NELFB: variants seen among roughly 807,000 people sequenced by gnomAD.
The protein encoded by NELFB is negative elongation factor complex member B, also known as negative elongation factor B.
NELFB carries 34 observed loss-of-function variants against 60.2 expected under a neutral mutation model. The ratio of observed to expected loss-of-function variants is 0.56; its 90% confidence interval spans 0.43 to 0.75. The LOEUF (loss-of-function observed/expected upper bound fraction) is 0.75. Ranked by LOEUF, NELFB falls within the 30% of genes least tolerant of loss-of-function variation. NELFB has a pLI of 0.00. For missense variants in NELFB, 770 were observed against 831.6 expected, an observed-to-expected ratio of 0.93 and a Z score of 0.91; for synonymous variants, 459 against 382.1, an observed-to-expected ratio of 1.20 and a Z score of -2.35.
At chr9:137,268,308 G>A (rs1830544132) in intron 10 of NELFB, among the ~76,000 whole-genome samples, 3 of 152,284 alleles carry the variant, frequency 2.0e-5, no homozygotes, top group Middle Eastern at 3.4e-3. Context: ...AGGGACGGCC[G>A]GGCACGGTGG....
rs765769006 is a variant in NELFB at position 137,267,318 on chromosome 9, C to T, written c.1461C>T (p.Asn487=). Residue 487 remains asparagine, a synonymous_variant, in exon 10 of 13, where the codon AAC becomes AAT. Coordinates refer to ENST00000343053, the MANE Select transcript of NELFB (RefSeq NM_015456.5). ...ACATCACCAAGCAGAGGAACAAGAA[C>T]GCGCTCCTCCGCCTGCTGCCCGGGC... 6.0e-5 allele frequency: 97 copies of T among 1,612,536 alleles called. No homozygotes were observed. The highest frequency in any genetic ancestry group is 1.6e-4 in the Middle Eastern group (1 of 6,072).
chr9:137,261,911 T>C (rs1830451470), intron 4 of NELFB, among the ~76,000 whole-genome samples: 1 of 151,680 alleles, frequency 6.6e-6, no homozygotes, highest in African/African-American at 2.4e-5. Context: ...CCATCTCCAA[T>C]GATAGGTAAG....
At chr9:137,270,473 C>CT (rs1830570830) in intron 10 of NELFB, among the ~76,000 whole-genome samples, 1 of 151,316 alleles carries the variant, frequency 6.6e-6, no homozygotes, top group Admixed American at 6.6e-5. Flanking sequence ...GCCTGTAGTC[C>CT]CAGCTACTCG....
In NELFB at chr9:137,264,241, G is replaced by A; in HGVS notation, c.928-4G>A. ...CTGGTCCCGACCGTGCTTCCTCCTT[G>A]CAGTTCACCTGGTGCCTGGACGCCT... is the stretch of plus-strand genomic sequence containing the variant. On this transcript the variant is annotated splice_region_variant and splice_polypyrimidine_tract_variant and intron_variant, in intron 5 of 12. Coordinates refer to ENST00000343053, the MANE Select transcript of NELFB (RefSeq NM_015456.5). 1 of 1,579,386 alleles carries A rather than the reference G, an allele frequency of 6.3e-7. No homozygotes were observed. The highest frequency in any genetic ancestry group is 8.6e-7 in the Non-Finnish European group (1 of 1,163,444).
Position 137,273,036 on chromosome 9 carries a change from C to T in NELFB, c.*108C>T. On this transcript the variant is annotated 3_prime_UTR_variant, in exon 13 of 13. Transcript: ENST00000343053. ...TACAGGGCAGTCTCTCTTCCCGGGGCTATGGCTGGGCCTGTCCTGCCGTCA... is the reference window on the plus strand; with the variant it reads ...TACAGGGCAGTCTCTCTTCCCGGGGTTATGGCTGGGCCTGTCCTGCCGTCA... 1 of 1,270,802 alleles carries T rather than the reference C, an allele frequency of 7.9e-7. No individual in the cohort carries two copies. The highest frequency in any genetic ancestry group is 1.1e-6 in the Non-Finnish European group (1 of 951,534). The allele number at this position is 1,270,802 out of a possible 1,614,324, so 78.7% of individuals were successfully genotyped here. A position where few individuals can be genotyped will look rare whatever the true frequency, so the allele number is the denominator to read the frequency against.
chr9:137,258,838 A>G (rs1837599455), intron 4 of NELFB, among the ~76,000 whole-genome samples: 1 of 152,218 alleles, frequency 6.6e-6, no homozygotes, highest in African/African-American at 2.4e-5. Context: ...AAGAAAAAAA[A>G]ATGAGATCAA....
At position 137,256,958 on chromosome 9, in the gene NELFB, G is replaced by C. The variant is rs1564441488; in HGVS notation, c.645G>C (p.Gln215His). Residue 215 changes from glutamine (Q) to histidine (H), a missense_variant, in exon 4 of 13, where the codon CAG (glutamine) becomes CAC (histidine). Gln to His is a conservative substitution (Grantham distance 24). Coordinates refer to ENST00000343053, the MANE Select transcript of NELFB (RefSeq NM_015456.5). The stretch of plus-strand genomic sequence containing the variant: ...ACGAGGTTTCCCCACTCCTGAAGCA[G>C]TACATCCTGGAGAAGGAGAGCGCTC... The C allele has an allele frequency of 1.2e-6, 2 of 1,614,192 alleles. No homozygotes were observed. The highest frequency in any genetic ancestry group is 1.7e-6 in the Non-Finnish European group (2 of 1,180,046).
At chr9:137,266,837 G>T in intron 8 of NELFB, 107 bp from the exon 9 acceptor site, 1 of 1,355,710 alleles carries the variant, frequency 7.4e-7, no homozygotes, top group East Asian at 2.3e-5. Context: ...GAGGGTCGGT[G>T]AGGTATCTGG....
chr9:137,260,301 C>T (rs1268498731), intron 4 of NELFB, among the ~76,000 whole-genome samples: 2 of 151,510 alleles, frequency 1.3e-5, no homozygotes, highest in East Asian at 1.9e-4. Flanking sequence ...CCACCCGCCT[C>T]GGCCTCCCAA....
intron 2 of NELFB, 45 bp from the exon 3 acceptor site, chr9:137,256,284 C>G: frequency 6.4e-7 from 1 of 1,569,962 alleles, no homozygotes; most frequent in African/African-American, 1.3e-5. Context: ...GTAGCTGCTG[C>G]GATTTGGCGC....
At chr9:137,255,831 G>C (rs370265308) in intron 1 of NELFB, 76 bp from the exon 2 acceptor site, 2 of 1,571,814 alleles carry the variant, frequency 1.3e-6, no homozygotes, top group African/African-American at 2.7e-5. Context: ...CTGGGTGCGT[G>C]CCTCCCTGTG....
chr9:137,273,240 A>C lies in NELFB; in HGVS notation c.*312A>C. 2.4e-5 allele frequency: 4 copies of C among 165,812 alleles called. No individual in the cohort carries two copies. Among genetic ancestry groups the C allele is most frequent in the Non-Finnish European group, 5.0e-5 (4 of 80,478 alleles). 10.3% of individuals were successfully genotyped at this position (165,812 alleles called of 1,614,324 possible). ...TTCCAAGGGGAGAGGGCGGGGCCTG[A>C]GGGTGGGGGCGGGGCCTCTTCATTG... is the stretch of plus-strand genomic sequence containing the variant. On this transcript the variant is annotated 3_prime_UTR_variant, in exon 13 of 13. Coordinates refer to ENST00000343053, the MANE Select transcript of NELFB (RefSeq NM_015456.5).
In NELFB at chr9:137,257,157, C is replaced by T. The variant is rs912452241; in HGVS notation, c.741+103C>T. The T allele has an allele frequency of 1.1e-5, 11 of 1,006,824 alleles. No homozygotes were observed. In the East Asian group the frequency reaches 2.0e-4, roughly 18 times the overall value. 62.4% of individuals were successfully genotyped at this position (1,006,824 alleles called of 1,614,324 possible). On this transcript the variant is annotated intron_variant, in intron 4 of 12. Coordinates refer to ENST00000343053, the MANE Select transcript of NELFB (RefSeq NM_015456.5). Reference sequence around the variant, plus strand: ...AGCACTCTGCTGCCCTGTGAATGATCGGGTGGTTCTGCTTCTTGGCTGGGT... The same window carrying T: ...AGCACTCTGCTGCCCTGTGAATGATTGGGTGGTTCTGCTTCTTGGCTGGGT...
chr9:137,265,304 C>T (rs1373200883), intron 6 of NELFB, among the ~76,000 whole-genome samples: 8 of 151,016 alleles, frequency 5.3e-5, no homozygotes, highest in Non-Finnish European at 1.2e-4. Flanking sequence ...AGCCACCACA[C>T]CCAGCCTTTT....
At chr9:137,256,540 C>A in intron 3 of NELFB, 112 bp downstream of exon 3, 1 of 943,154 alleles carries the variant, frequency 1.1e-6, no homozygotes, top group Non-Finnish European at 1.6e-6. Context: ...GTGCTGCCTG[C>A]CCAAGTGCTG....
At chr9:137,266,051 T>C in intron 7 of NELFB, 72 bp downstream of exon 7, 1 of 1,235,492 alleles carries the variant, frequency 8.1e-7, no homozygotes, top group Non-Finnish European at 1.2e-6. Flanking sequence ...GTGGTCAGGG[T>C]GTGGACAGCA....
At chr9:137,260,737 G>A (rs1222613238) in intron 4 of NELFB, among the ~76,000 whole-genome samples, 1 of 151,456 alleles carries the variant, frequency 6.6e-6, no homozygotes, top group Non-Finnish European at 1.5e-5. Flanking sequence ...ACAGGTGTGA[G>A]CCACCGTGCC....
At chr9:137,265,842 GGC>G (rs1564444360) in intron 6 of NELFB, 33 bp from the exon 7 acceptor site, 7 of 1,410,716 alleles carry the variant, frequency 5.0e-6, no homozygotes, top group Non-Finnish European at 5.0e-6. Context: ...AGGGGCAACA[GGC>G]GTCGCATTAA....
At chr9:137,259,209 T>A (rs918792593) in intron 4 of NELFB, among the ~76,000 whole-genome samples, 23 of 151,688 alleles carry the variant, frequency 1.5e-4, no homozygotes, top group Middle Eastern at 3.4e-3. Context: ...AAAAAAAAAA[T>A]ATTGAGCTAT....
Sources: gnomAD v4.1 joint callset for allele counts (sites outside exome capture counted in the v4.1 genomes callset) on GRCh38, gnomAD v4.1.1 for gene constraint, MANE v1.5 for transcripts, NCBI Gene and HGNC (gene_info 2026-07-23, HGNC 2026-07-21) for gene names.